The following NFXL1 variants were observed in gnomAD, a reference collection of about 807,000 sequenced individuals.
NFXL1 encodes nuclear transcription factor, X-box binding like 1, also known as NF-X1-type zinc finger protein NFXL1.
In NFXL1, 66 loss-of-function variants were observed where a neutral mutation model predicts 123.3. The ratio of observed to expected loss-of-function variants is 0.54; its 90% CI spans 0.44 to 0.66. NFXL1 has a LOEUF of 0.66. Ranked by LOEUF, NFXL1 falls within the 30% of genes least tolerant of loss-of-function variation. The probability of loss-of-function intolerance (pLI) is 0.00; values close to 1 mark genes in which losing one functional copy is unlikely to be tolerated. For missense variants in NFXL1, 944 were observed against 1,125.6 expected (o/e 0.84, Z 2.31); for synonymous variants, 346 against 360.8 (o/e 0.96, Z 0.46).
intron 18 of NFXL1, 120 bp downstream of exon 18, chr4:47,875,007 T>C (rs1321129740): frequency 1.9e-6 from 1 of 522,562 alleles, no homozygotes; most frequent in African/African-American, 2.0e-5. Context: ...TCCAGGTCTC[T>C]ACTGGAAAAT....
intron 15 of NFXL1, among the ~76,000 whole-genome samples, chr4:47,881,335 C>A (rs1230031245): frequency 6.6e-6 from 1 of 151,956 alleles, no homozygotes; most frequent in African/African-American, 2.4e-5. Flanking sequence ...TATTATGTAT[C>A]AATTAAAAAT....
chr4:47,913,897 G>A (rs971699337), intron 2 of NFXL1, 72 bp downstream of exon 2: 4 of 997,056 alleles, frequency 4.0e-6, no homozygotes, highest in Admixed American at 2.8e-5. Context: ...GAAGGCGAGG[G>A]CGGAGGCGGT....
At chr4:47,913,430 G>A (rs955383854) in intron 2 of NFXL1, among the ~76,000 whole-genome samples, 2 of 152,176 alleles carry the variant, frequency 1.3e-5, no homozygotes, top group African/African-American at 4.8e-5. Context: ...GACAAGTCAA[G>A]AAACAAAGGC....
intron 20 of NFXL1, among the ~76,000 whole-genome samples, chr4:47,852,995 T>C (rs1351823653): frequency 1.3e-5 from 2 of 151,892 alleles, no homozygotes; most frequent in Admixed American, 6.6e-5. Flanking sequence ...TAGTTCTTCA[T>C]TTTTGGCTTG....
chr4:47,857,619 T>C (rs1734488693), intron 19 of NFXL1, among the ~76,000 whole-genome samples: 1 of 152,186 alleles, frequency 6.6e-6, no homozygotes, highest in Non-Finnish European at 1.5e-5. Flanking sequence ...TCTTTTTTTC[T>C]CTAAACCCTT....
chr4:47,858,232 G>A (rs370195283), intron 19 of NFXL1, among the ~76,000 whole-genome samples: 77 of 152,328 alleles, frequency 5.1e-4, no homozygotes, highest in African/African-American at 1.8e-3. Flanking sequence ...TGTTGGCAGG[G>A]ATGCGAAAGA....
chr4:47,875,873 A>G (rs1735716526), intron 17 of NFXL1, among the ~76,000 whole-genome samples: 1 of 152,194 alleles, frequency 6.6e-6, no homozygotes, highest in East Asian at 1.9e-4. Context: ...ATGTACCTCA[A>G]CGTAACTTAA....
chr4:47,897,476 A>G (rs1415728977), intron 9 of NFXL1, among the ~76,000 whole-genome samples: 1 of 152,196 alleles, frequency 6.6e-6, no homozygotes, highest in Non-Finnish European at 1.5e-5. Context: ...AAAGCAGCCT[A>G]AAATAAACTC....
chr4:47,884,033 C>T (rs997460824), intron 15 of NFXL1, among the ~76,000 whole-genome samples: 1 of 152,110 alleles, frequency 6.6e-6, no homozygotes, highest in Non-Finnish European at 1.5e-5. Context: ...TGGGAATCAT[C>T]GGGAAAAGTA....
chr4:47,914,180 C>A lies in NFXL1; in HGVS notation c.24G>T (p.Val8=). MEASWRQ[V]AGGRGRSRGR... is the part of the protein sequence containing the mutation. ...CCCGGGATCGGCCTCGGCCACCGGCCACCTGGCGCCAGGAAGCTTCCATCC... is the reference window on the plus strand; with the variant it reads ...CCCGGGATCGGCCTCGGCCACCGGCAACCTGGCGCCAGGAAGCTTCCATCC... The change falls in exon 2 of 23, where the codon GTG becomes GTT. Residue 8 remains valine, a synonymous_variant. Transcript: ENST00000507489. 2 of 1,520,682 alleles carry A rather than the reference C, an allele frequency of 1.3e-6. No individual in the cohort carries two copies. Among genetic ancestry groups the A allele is most frequent in the Non-Finnish European group, 1.8e-6 (2 of 1,131,872 alleles). The allele number at this position is 1,520,682 out of a possible 1,614,324, so 94.2% of individuals were successfully genotyped here.
chr4:47,899,720 A>G (rs1052950394), intron 5 of NFXL1, among the ~76,000 whole-genome samples, 172 bp from the exon 6 acceptor site: 9 of 152,230 alleles, frequency 5.9e-5, no homozygotes, highest in African/African-American at 2.2e-4. Flanking sequence ...TTTCAACCAT[A>G]TAAAACAGCA....
chr4:47,904,836 C>T (rs185561752), intron 4 of NFXL1, among the ~76,000 whole-genome samples: 7 of 152,304 alleles, frequency 4.6e-5, no homozygotes, highest in East Asian at 3.9e-4. Flanking sequence ...ACACAGGATA[C>T]GCTAACTAAT....
intron 11 of NFXL1, among the ~76,000 whole-genome samples, chr4:47,891,743 C>T (rs1736780389): frequency 6.6e-6 from 1 of 152,002 alleles, no homozygotes; most frequent in Non-Finnish European, 1.5e-5. Flanking sequence ...ACAAAATGTA[C>T]ATTATTAAAA....
chr4:47,910,201 A>G (rs1325379137), intron 3 of NFXL1, among the ~76,000 whole-genome samples: 2 of 152,056 alleles, frequency 1.3e-5, no homozygotes, highest in Non-Finnish European at 2.9e-5. Flanking sequence ...AAGTACGGCT[A>G]GGTGCAGTGC....
At chr4:47,855,304 TTTTC>T in intron 19 of NFXL1, 141 bp from the exon 20 acceptor site, 1 of 340,898 alleles carries the variant, frequency 2.9e-6, no homozygotes, top group Non-Finnish European at 5.5e-6. Flanking sequence ...TGTAAACTAT[TTTTC>T]TTTTAGATAT....
intron 18 of NFXL1, among the ~76,000 whole-genome samples, chr4:47,865,635 A>AAT (rs2110049736): frequency 6.6e-6 from 1 of 152,342 alleles, no homozygotes; most frequent in South Asian, 2.1e-4. Flanking sequence ...GGTCCCCCTA[A>AAT]ATATGAAAAT....
intron 19 of NFXL1, among the ~76,000 whole-genome samples, chr4:47,859,279 T>A (rs1409595804): frequency 6.6e-6 from 1 of 152,184 alleles, no homozygotes; most frequent in East Asian, 1.9e-4. Context: ...AAAGCCCTCT[T>A]TCAAAAGAAC....
At chr4:47,875,552 A>C (rs940695264) in intron 17 of NFXL1, among the ~76,000 whole-genome samples, 1 of 152,150 alleles carries the variant, frequency 6.6e-6, no homozygotes, top group Non-Finnish European at 1.5e-5. Flanking sequence ...CTCATTTTTA[A>C]AGGAACCTTA....
At chr4:47,892,520 C>T (rs1375734432) in intron 11 of NFXL1, among the ~76,000 whole-genome samples, 2 of 152,138 alleles carry the variant, frequency 1.3e-5, no homozygotes, top group East Asian at 1.9e-4. Context: ...AGAATAATTT[C>T]AAGAGATCAC....
Sources: allele counts gnomAD v4.1 joint callset (sites outside exome capture counted in the v4.1 genomes callset), GRCh38; gene constraint gnomAD v4.1.1; transcripts MANE v1.5; gene names NCBI Gene and HGNC (gene_info 2026-07-23, HGNC 2026-07-21).